Variants in CTNNA1 observed in about 807,000 individuals in gnomAD.
CTNNA1 encodes the protein catenin alpha 1.
Under a neutral mutation model 98.4 loss-of-function variants are expected in CTNNA1, and 37 were observed. That is an observed-to-expected ratio of 0.38 (90% confidence interval 0.29 to 0.49). The LOEUF (loss-of-function observed/expected upper bound fraction) is 0.49. Ranked by LOEUF, CTNNA1 falls within the 20% of genes least tolerant of loss-of-function variation. CTNNA1 has a pLI of 0.95. For missense variants in CTNNA1, 761 were observed against 1,147.2 expected (o/e 0.66, Z 4.86); for synonymous variants, 404 against 413.2 (o/e 0.98, Z 0.27).
intron 2 of CTNNA1, chr5:138,782,398 TAGC>T (rs1229981481): frequency 7.1e-6 from 3 of 421,666 alleles, no homozygotes; most frequent in Non-Finnish European, 1.4e-5. Flanking sequence ...TGGGATTAAT[TAGC>T]AGGTAATTCA....
intron 7 of CTNNA1, among the ~76,000 whole-genome samples, chr5:138,883,028 G>A (rs1753272114): frequency 6.6e-6 from 1 of 151,958 alleles, no homozygotes; most frequent in Non-Finnish European, 1.5e-5. Context: ...GTAGAGACAG[G>A]ATTTCACCAT....
chr5:138,926,603 A>G (rs1764102934), intron 13 of CTNNA1, among the ~76,000 whole-genome samples: 1 of 150,842 alleles, frequency 6.6e-6, no homozygotes, highest in South Asian at 2.1e-4. Context: ...CACCATGGGC[A>G]TTGCTCTCGG....
chr5:138,900,725 G>T (rs545463127), intron 9 of CTNNA1, among the ~76,000 whole-genome samples: 2 of 152,316 alleles, frequency 1.3e-5, no homozygotes, highest in South Asian at 4.1e-4. Context: ...ATGTACAGAT[G>T]TCTAATCTGT....
chr5:138,860,056 T>G (rs901352147), intron 7 of CTNNA1, among the ~76,000 whole-genome samples: 1 of 152,122 alleles, frequency 6.6e-6, no homozygotes, highest in Admixed American at 6.6e-5. Context: ...TGTTTAAAGA[T>G]TGATATAAAA....
intron 7 of CTNNA1, chr5:138,875,373 A>G (rs868145315): frequency 6.4e-5 from 63 of 986,268 alleles, no homozygotes; most frequent in Middle Eastern, 1.0e-3. Context: ...AGAACTGTAT[A>G]TAGGCTGACG....
intron 13 of CTNNA1, among the ~76,000 whole-genome samples, chr5:138,928,232 CCA>C (rs1180829304): frequency 1.3e-5 from 2 of 152,096 alleles, no homozygotes; most frequent in Non-Finnish European, 2.9e-5. Flanking sequence ...CTGATAACTG[CCA>C]GAGGACAACA....
intron 16 of CTNNA1, among the ~76,000 whole-genome samples, chr5:138,931,429 G>A (rs1028624236): frequency 4.6e-5 from 7 of 152,208 alleles, no homozygotes; most frequent in Non-Finnish European, 8.8e-5. Flanking sequence ...CTCAGTTACA[G>A]TTTTTCTCTG....
chr5:138,771,265 C>T (rs1475864277), intron 1 of CTNNA1, among the ~76,000 whole-genome samples: 1 of 151,338 alleles, frequency 6.6e-6, no homozygotes, highest in Non-Finnish European at 1.5e-5. Context: ...GTTGTAGTGT[C>T]TCCTGATGCT....
At chr5:138,808,114 C>G (rs943185188) in intron 3 of CTNNA1, among the ~76,000 whole-genome samples, 1 of 152,160 alleles carries the variant, frequency 6.6e-6, no homozygotes, top group Admixed American at 6.5e-5. Context: ...CAGATAAATT[C>G]TTCCCTGAGT....
intron 3 of CTNNA1, among the ~76,000 whole-genome samples, chr5:138,792,198 ATGTATG>A (rs563634070): frequency 3.3e-5 from 5 of 152,216 alleles, no homozygotes; most frequent in African/African-American, 1.2e-4. Flanking sequence ...GTGTACACAC[ATGTATG>A]TGTATGTGTA....
chr5:138,886,113 A>G, intron 7 of CTNNA1, 99 bp from the exon 8 acceptor site: 1 of 1,324,482 alleles, frequency 7.6e-7, no homozygotes, highest in South Asian at 1.4e-5. Context: ...AAGAAGTTGT[A>G]CTGCTTTTTC....
chr5:138,782,376 C>G (rs939978923), intron 2 of CTNNA1: 1 of 446,996 alleles, frequency 2.2e-6, no homozygotes, highest in African/African-American at 2.0e-5. Context: ...GCTTAACACA[C>G]CTTTCATTGT....
chr5:138,905,739 G>C (rs1270774806), intron 10 of CTNNA1, among the ~76,000 whole-genome samples: 1 of 152,222 alleles, frequency 6.6e-6, no homozygotes, highest in Non-Finnish European at 1.5e-5. Flanking sequence ...GAGAAGAGCT[G>C]AGTTTGTTTG....
rs138903296 is a variant in CTNNA1, at chr5:138,860,036, T to C, written c.1063-26176T>C. Reference sequence around the variant, plus strand: ...TGCGTGTGTGTGTGTGTTTAAAGATTGTGTGTGTGTGTTTAAAGATTGATA... The same window carrying C: ...TGCGTGTGTGTGTGTGTTTAAAGATCGTGTGTGTGTGTTTAAAGATTGATA... On this transcript the variant is annotated intron_variant, in intron 7 of 17. Coordinates refer to ENST00000302763, the MANE Select transcript of CTNNA1 (RefSeq NM_001903.5). 2.2e-3 allele frequency among the ~76,000 whole-genome samples: 337 copies of C among 152,088 alleles called. 3 individuals carry two copies. The highest frequency in any genetic ancestry group is 7.0e-3 in the African/African-American group (292 of 41,490).
chr5:138,903,749 C>G (rs988347200), intron 9 of CTNNA1, among the ~76,000 whole-genome samples: 22 of 152,172 alleles, frequency 1.4e-4, no homozygotes, highest in African/African-American at 4.6e-4. Flanking sequence ...TTGCTTTTAA[C>G]TATGAAACAT....
At chr5:138,860,956 A>AT (rs1425744116) in intron 7 of CTNNA1, among the ~76,000 whole-genome samples, 2 of 152,080 alleles carry the variant, frequency 1.3e-5, no homozygotes, top group South Asian at 2.1e-4. Context: ...TCCCACTGCC[A>AT]TTTTTTTCCT....
At chr5:138,885,446 A>C (rs891966486) in intron 7 of CTNNA1, among the ~76,000 whole-genome samples, 1 of 152,160 alleles carries the variant, frequency 6.6e-6, no homozygotes, top group Non-Finnish European at 1.5e-5. Flanking sequence ...GGGACACAAC[A>C]ATCTCCACCT....
At chr5:138,932,406 C>CA (rs938520249) in intron 16 of CTNNA1, 172 bp from the exon 17 acceptor site, 4 of 1,429,532 alleles carry the variant, frequency 2.8e-6, no homozygotes, top group Non-Finnish European at 3.7e-6. Context: ...CCTCCATCCC[C>CA]AAGCAGAGTG....
At chr5:138,851,855 A>G (rs1399679782) in intron 7 of CTNNA1, among the ~76,000 whole-genome samples, 1 of 152,190 alleles carries the variant, frequency 6.6e-6, no homozygotes, top group Non-Finnish European at 1.5e-5. Flanking sequence ...CAGGAGTTCA[A>G]GACCAATCTG....
Sources: gnomAD v4.1 joint callset for allele counts (sites outside exome capture counted in the v4.1 genomes callset) on GRCh38, gnomAD v4.1.1 for gene constraint, MANE v1.5 for transcripts, NCBI Gene and HGNC (gene_info 2026-07-23, HGNC 2026-07-21) for gene names.